Variants in PTBP2 observed in about 807,000 individuals in gnomAD.
The protein encoded by PTBP2 is polypyrimidine tract binding protein 2, also known as polypyrimidine tract-binding protein 2.
PTBP2 carries 13 observed loss-of-function variants against 61.4 expected under a neutral mutation model. The observed-to-expected ratio is 0.21, with a 90% CI of 0.14 to 0.34. The LOEUF (loss-of-function observed/expected upper bound fraction) is 0.34, where lower values mean the gene tolerates loss of function less well. Among genes scored for constraint, PTBP2 ranks in the 10% least tolerant of loss-of-function variants. The pLI is 1.00. For missense variants in PTBP2, 405 were observed against 642.6 expected (o/e 0.63, Z 4.00); for synonymous variants, 215 against 218.5 (o/e 0.98, Z 0.14).
Position 96,814,562 on chromosome 1 carries a change from C to G in PTBP2, c.*1157C>G, listed in dbSNP as rs1662362914. The G allele has an allele frequency of 6.6e-6, 1 of 152,424 alleles. No homozygotes were observed. Among genetic ancestry groups the G allele is most frequent in the African/African-American group, 2.4e-5 (1 of 41,400 alleles). 9.4% of individuals were successfully genotyped at this position (152,424 alleles called of 1,614,324 possible). ...CTTTAATAAAAACATGGCTCAGAATCTACAGGTCAAATTAATTTGAACAGT... is the reference window on the plus strand; with the variant it reads ...CTTTAATAAAAACATGGCTCAGAATGTACAGGTCAAATTAATTTGAACAGT... On this transcript the variant is annotated 3_prime_UTR_variant, in exon 14 of 14. Transcript: ENST00000674951.
At chr1:96,764,923 A>T (rs1656491487) in intron 3 of PTBP2, among the ~76,000 whole-genome samples, 1 of 152,210 alleles carries the variant, frequency 6.6e-6, no homozygotes, top group Non-Finnish European at 1.5e-5. Flanking sequence ...ACTACTTGGA[A>T]ATACAAGAGT....
intron 2 of PTBP2, among the ~76,000 whole-genome samples, chr1:96,743,551 C>G (rs57002969): frequency 6.6e-6 from 1 of 151,520 alleles, no homozygotes; most frequent in East Asian, 1.9e-4. Flanking sequence ...AAAAGTGGCG[C>G]TATTCTTTTT....
chr1:96,733,185 T>G (rs758474177), intron 2 of PTBP2, among the ~76,000 whole-genome samples: 3 of 151,580 alleles, frequency 2.0e-5, no homozygotes, highest in Non-Finnish European at 2.9e-5. Flanking sequence ...TTGACATAAC[T>G]CGGCTGTTAG....
At chr1:96,722,746 A>G (rs1649789273) in intron 1 of PTBP2, among the ~76,000 whole-genome samples, 1 of 152,218 alleles carries the variant, frequency 6.6e-6, no homozygotes, top group Non-Finnish European at 1.5e-5. Flanking sequence ...ATAAAAACCC[A>G]GAACCATGCT....
chr1:96,756,116 C>T (rs61138433), intron 3 of PTBP2, among the ~76,000 whole-genome samples: 3,401 of 152,214 alleles, frequency 0.022, 114 homozygotes, highest in African/African-American at 0.077. Context: ...GAAAACTATA[C>T]GGCCGGGCAC....
At chr1:96,797,855 T>G (rs1479536103) in intron 8 of PTBP2, among the ~76,000 whole-genome samples, 1 of 152,146 alleles carries the variant, frequency 6.6e-6, no homozygotes, top group East Asian at 1.9e-4. Flanking sequence ...TACCCCCAAA[T>G]ATTTTTGATC....
intron 2 of PTBP2, among the ~76,000 whole-genome samples, chr1:96,737,405 T>C (rs557604194): frequency 4.9e-4 from 75 of 151,966 alleles, no homozygotes; most frequent in African/African-American, 1.7e-3. Context: ...GTAAATGCAA[T>C]AGAGATAGAA....
At chr1:96,732,777 A>G (rs190050487) in intron 2 of PTBP2, among the ~76,000 whole-genome samples, 1 of 152,248 alleles carries the variant, frequency 6.6e-6, no homozygotes, top group East Asian at 1.9e-4. Context: ...TGAGAGAAGG[A>G]CGTAACCAAA....
chr1:96,764,600 A>G (rs61786398), intron 3 of PTBP2, among the ~76,000 whole-genome samples: 18,546 of 152,198 alleles, frequency 0.12, 1,234 homozygotes, highest in African/African-American at 0.17. Context: ...AGTCTGGAAC[A>G]TTTTACTTAG....
intron 7 of PTBP2, among the ~76,000 whole-genome samples, chr1:96,779,412 T>G (rs1658400508): frequency 6.6e-6 from 1 of 152,124 alleles, no homozygotes; most frequent in Admixed American, 6.6e-5. Context: ...AAATGAAATT[T>G]GAGTGGGGAT....
At chr1:96,802,931 A>G (rs1223121315) in intron 8 of PTBP2, among the ~76,000 whole-genome samples, 1 of 152,226 alleles carries the variant, frequency 6.6e-6, no homozygotes, top group Admixed American at 6.5e-5. Flanking sequence ...ACTGACGAAT[A>G]GTATTACAAT....
chr1:96,769,625 AGTTTT>A, intron 3 of PTBP2, 73 bp from the exon 4 acceptor site: 1 of 1,069,194 alleles, frequency 9.4e-7, no homozygotes, highest in South Asian at 2.9e-5. Flanking sequence ...GGAAATTTGT[AGTTTT>A]TTTACACAAA....
chr1:96,820,716 CTA>C (rs1411583547), exon 14 of PTBP2: 1 of 151,280 alleles, frequency 6.6e-6, no homozygotes, highest in African/African-American at 2.4e-5. Context: ...ATAGTAGTGT[CTA>C]TATATTTCTT....
At chr1:96,800,835 A>T (rs544056419) in intron 8 of PTBP2, among the ~76,000 whole-genome samples, 303 of 151,800 alleles carry the variant, frequency 2.0e-3, no homozygotes, top group African/African-American at 6.9e-3. Flanking sequence ...CTCAATTACT[A>T]TTTTTCCATG....
At chr1:96,766,858 C>G (rs1479971148) in intron 3 of PTBP2, among the ~76,000 whole-genome samples, 2 of 152,000 alleles carry the variant, frequency 1.3e-5, no homozygotes, top group Non-Finnish European at 2.9e-5. Context: ...TTTTTGAGAT[C>G]CTACTATAGT....
At chr1:96,727,832 A>C (rs1171352599) in intron 2 of PTBP2, among the ~76,000 whole-genome samples, 1 of 152,066 alleles carries the variant, frequency 6.6e-6, no homozygotes, top group African/African-American at 2.4e-5. Flanking sequence ...TCATCTTCTT[A>C]TTCTCGCATT....
chr1:96,781,438 C>T, intron 7 of PTBP2, among the ~76,000 whole-genome samples: 1 of 152,014 alleles, frequency 6.6e-6, no homozygotes, highest in East Asian at 1.9e-4. Context: ...CCATTCTCCT[C>T]TCATGCCTTT....
At chr1:96,758,232 C>T (rs1655386240) in intron 3 of PTBP2, among the ~76,000 whole-genome samples, 1 of 151,816 alleles carries the variant, frequency 6.6e-6, no homozygotes, top group African/African-American at 2.4e-5. Flanking sequence ...AAGTATATAG[C>T]TTAACAGCTA....
At chr1:96,735,922 A>G (rs1200343171) in intron 2 of PTBP2, among the ~76,000 whole-genome samples, 1 of 152,208 alleles carries the variant, frequency 6.6e-6, no homozygotes, top group Non-Finnish European at 1.5e-5. Flanking sequence ...ACATAACAGT[A>G]AAAGAGCAGA....
Sources: allele counts gnomAD v4.1 joint callset (sites outside exome capture counted in the v4.1 genomes callset), GRCh38; gene constraint gnomAD v4.1.1; transcripts MANE v1.5; gene names NCBI Gene and HGNC (gene_info 2026-07-23, HGNC 2026-07-21).